WDR70: variants seen among roughly 807,000 people sequenced by gnomAD.
WDR70 encodes the protein WD repeat-containing protein 70.
A neutral mutation model predicts 88.6 loss-of-function variants in WDR70; 53 were observed. The ratio of observed to expected loss-of-function variants is 0.60; its 90% CI spans 0.48 to 0.75. The LOEUF (loss-of-function observed/expected upper bound fraction) is 0.75, where lower values mean the gene tolerates loss of function less well. Among genes scored for constraint, WDR70 ranks in the 30% least tolerant of loss-of-function variants. The pLI is 0.00. For missense variants in WDR70, 610 were observed against 823.2 expected, an observed-to-expected ratio of 0.74 and a Z score of 3.17; for synonymous variants, 280 against 270.0, an observed-to-expected ratio of 1.04 and a Z score of -0.36.
chr5:37,708,300 G>A (rs1747415902), intron 13 of WDR70, among the ~76,000 whole-genome samples: 1 of 151,458 alleles, frequency 6.6e-6, no homozygotes, highest in African/African-American at 2.4e-5. Context: ...GATGATCATT[G>A]TTTTCAAGAG....
chr5:37,455,988 C>A (rs915891854), intron 7 of WDR70, among the ~76,000 whole-genome samples: 1 of 152,076 alleles, frequency 6.6e-6, no homozygotes, highest in African/African-American at 2.4e-5. Flanking sequence ...TACAGTTTAT[C>A]TCTTTACCAG....
At chr5:37,671,016 C>A (rs943464749) in intron 10 of WDR70, among the ~76,000 whole-genome samples, 3 of 152,258 alleles carry the variant, frequency 2.0e-5, no homozygotes, top group Admixed American at 1.3e-4. Context: ...TCAGTCTAGA[C>A]CTGGATTTAT....
intron 10 of WDR70, among the ~76,000 whole-genome samples, chr5:37,696,961 T>A (rs550453686): frequency 6.6e-6 from 1 of 152,316 alleles, no homozygotes; most frequent in Admixed American, 6.5e-5. Context: ...CTTTTTGGTT[T>A]CAAACCCCCA....
In WDR70 at chr5:37,702,978, A is replaced by T. The variant is rs1327816878; in HGVS notation, c.1307A>T (p.Lys436Met). 8.7e-6 allele frequency: 14 copies of T among 1,612,640 alleles called. No individual in the cohort carries two copies. The highest frequency in any genetic ancestry group is 3.3e-5 in the Admixed American group (2 of 59,984). The change falls in exon 13 of 18, where the codon AAG (lysine) becomes ATG (methionine). Residue 436 changes from lysine to methionine, a missense_variant. Transcript: ENST00000265107. The stretch of plus-strand genomic sequence containing the variant: ...GACTGCTGTTTCAGTCCAGATGATA[A>T]GCTCATAGTCACTGGTACATCTATT... ...MTDCCFSPDDKLIVTGTSIQR... is the reference protein window; with the variant it reads ...MTDCCFSPDDMLIVTGTSIQR...
intron 5 of WDR70, among the ~76,000 whole-genome samples, chr5:37,409,070 C>T (rs1749443526): frequency 1.3e-5 from 2 of 152,020 alleles, no homozygotes; most frequent in Admixed American, 6.6e-5. Flanking sequence ...TCCCGAGTAG[C>T]TGGGATTACA....
chr5:37,667,789 T>C (rs1581478249), intron 10 of WDR70, among the ~76,000 whole-genome samples: 1 of 150,300 alleles, frequency 6.7e-6, no homozygotes, highest in East Asian at 1.9e-4. Flanking sequence ...AGGTATATGT[T>C]TCTCCAGTGA....
intron 8 of WDR70, among the ~76,000 whole-genome samples, chr5:37,490,142 G>C (rs1468498323): frequency 1.3e-5 from 2 of 152,158 alleles, no homozygotes; most frequent in Non-Finnish European, 2.9e-5. Context: ...GGAATCCATA[G>C]GCCCCTGGGC....
At chr5:37,552,436 G>A (rs1742173237) in intron 9 of WDR70, among the ~76,000 whole-genome samples, 1 of 152,172 alleles carries the variant, frequency 6.6e-6, no homozygotes, top group South Asian at 2.1e-4. Context: ...AGAAATACCA[G>A]TTATCTATGT....
At chr5:37,536,060 T>C (rs1436609927) in intron 9 of WDR70, among the ~76,000 whole-genome samples, 1 of 152,192 alleles carries the variant, frequency 6.6e-6, no homozygotes, top group African/African-American at 2.4e-5. Context: ...TTCCTTTGCA[T>C]TGAATTTCTC....
intron 9 of WDR70, among the ~76,000 whole-genome samples, chr5:37,571,237 C>T (rs959570385): frequency 2.6e-5 from 4 of 152,300 alleles, no homozygotes; most frequent in South Asian, 2.1e-4. Context: ...TTATCATATA[C>T]TCTTTTCTCT....
intron 10 of WDR70, among the ~76,000 whole-genome samples, chr5:37,615,790 T>C (rs539511700): frequency 6.6e-6 from 1 of 152,332 alleles, no homozygotes; most frequent in Admixed American, 6.5e-5. Context: ...TTTAGAACTT[T>C]AGAATATTCT....
rs754484170 is a variant in WDR70, at chr5:37,479,823, T to G, written c.687-11T>G. On this transcript the variant is annotated splice_polypyrimidine_tract_variant and intron_variant, in intron 7 of 17. Coordinates refer to ENST00000265107, the MANE Select transcript of WDR70 (RefSeq NM_018034.4). ...TAGTATCTTACCAACTTTCCTTTTC[T>G]TTTCGTACAGCCATCAGATCAAGTC... The G allele has an allele frequency of 1.2e-6, 2 of 1,602,864 alleles. No homozygotes were observed. The highest frequency in any genetic ancestry group is 2.2e-5 in the South Asian group (2 of 89,354).
intron 5 of WDR70, among the ~76,000 whole-genome samples, chr5:37,405,441 C>G (rs993493186): frequency 1.3e-5 from 2 of 151,746 alleles, no homozygotes; most frequent in Non-Finnish European, 2.9e-5. Context: ...CCTCTGCCTC[C>G]CAGGTTCAAG....
chr5:37,390,501 G>C (rs1748779208), intron 3 of WDR70, among the ~76,000 whole-genome samples: 1 of 151,754 alleles, frequency 6.6e-6, no homozygotes, highest in South Asian at 2.1e-4. Context: ...CACTACGCCT[G>C]GCTAATTTTT....
At chr5:37,672,007 A>G (rs1746039860) in intron 10 of WDR70, among the ~76,000 whole-genome samples, 1 of 152,188 alleles carries the variant, frequency 6.6e-6, no homozygotes, top group Non-Finnish European at 1.5e-5. Flanking sequence ...GATGCTATTA[A>G]TCTGTAACTT....
intron 13 of WDR70, among the ~76,000 whole-genome samples, chr5:37,714,182 G>C (rs1395916617): frequency 1.3e-5 from 2 of 151,932 alleles, no homozygotes; most frequent in Non-Finnish European, 2.9e-5. Flanking sequence ...GTGTTTTCTT[G>C]GTTTTACATA....
chr5:37,605,353 C>T (rs1179784415), intron 10 of WDR70, 115 bp downstream of exon 10: 5 of 1,169,588 alleles, frequency 4.3e-6, no homozygotes, highest in Admixed American at 3.0e-5. Context: ...TGAATTTAGA[C>T]CTAATTTAAA....
At chr5:37,579,314 G>A (rs950698782) in intron 9 of WDR70, among the ~76,000 whole-genome samples, 16 of 152,126 alleles carry the variant, frequency 1.1e-4, no homozygotes, top group South Asian at 2.1e-4. Flanking sequence ...GGCCGGGTGC[G>A]GTGGCTCACG....
At chr5:37,425,376 T>C (rs1386818222) in intron 5 of WDR70, among the ~76,000 whole-genome samples, 5 of 152,230 alleles carry the variant, frequency 3.3e-5, no homozygotes, top group Admixed American at 3.3e-4. Context: ...TAATTTAAAA[T>C]AGGGCGGTCA....
Sources: gnomAD v4.1 joint callset for allele counts (sites outside exome capture counted in the v4.1 genomes callset) on GRCh38, gnomAD v4.1.1 for gene constraint, MANE v1.5 for transcripts, NCBI Gene and HGNC (gene_info 2026-07-23, HGNC 2026-07-21) for gene names.